CAST: variants seen among roughly 807,000 people sequenced by gnomAD.
CAST encodes the protein calpastatin.
In CAST, 76 loss-of-function variants were observed where a neutral mutation model predicts 119.6. The observed-to-expected ratio is 0.64, with a 90% CI of 0.53 to 0.77. The LOEUF (loss-of-function observed/expected upper bound fraction) is 0.77. CAST is among the 30% of genes least tolerant of loss of function. The pLI is 0.00. For missense variants in CAST, 953 were observed against 946.5 expected (o/e 1.01, Z -0.09); for synonymous variants, 319 against 331.6 (o/e 0.96, Z 0.41).
At chr5:96,412,356 G>A in the CAST span, 29 of 1,613,960 alleles carry the variant, frequency 1.8e-5, no homozygotes, top group Non-Finnish European at 1.9e-5. Context: ...TGGGCTAGCC[G>A]GCCAGGCCCC....
At chr5:96,334,866 A>C in the CAST span, among the ~76,000 whole-genome samples, 1 of 152,276 alleles carries the variant, frequency 6.6e-6, no homozygotes, top group Non-Finnish European at 1.5e-5. Flanking sequence ...GCAATATCAA[A>C]AATGATATCT....
At chr5:96,532,895 C>T (rs1361535469) in intron 1 of CAST, among the ~76,000 whole-genome samples, 1 of 151,786 alleles carries the variant, frequency 6.6e-6, no homozygotes, top group Non-Finnish European at 1.5e-5. Context: ...GATGGTGGTG[C>T]ACACCTGTAG....
chr5:96,768,729 T>C (rs972282261), intron 29 of CAST, among the ~76,000 whole-genome samples: 1 of 152,210 alleles, frequency 6.6e-6, no homozygotes, highest in Non-Finnish European at 1.5e-5. Flanking sequence ...TGGAGCTTCC[T>C]CCCCTTTTCT....
chr5:96,309,076 T>C, the CAST span, among the ~76,000 whole-genome samples: 1 of 152,336 alleles, frequency 6.6e-6, no homozygotes, highest in East Asian at 1.9e-4. Flanking sequence ...TTCCCCCAGA[T>C]GCTTTGTCCC....
chr5:95,978,433 G>A, the CAST span, among the ~76,000 whole-genome samples: 14 of 152,010 alleles, frequency 9.2e-5, no homozygotes, highest in South Asian at 2.1e-4. Context: ...GCTTGTTGCC[G>A]ACATGTATGT....
the CAST span, among the ~76,000 whole-genome samples, chr5:96,364,759 C>G: frequency 2.0e-5 from 3 of 152,038 alleles, no homozygotes; most frequent in African/African-American, 7.2e-5. Context: ...TTTTGTTGAT[C>G]TTTTCAAAAA....
the CAST span, among the ~76,000 whole-genome samples, chr5:96,475,199 C>T: frequency 6.6e-6 from 1 of 152,132 alleles, no homozygotes; most frequent in Non-Finnish European, 1.5e-5. Flanking sequence ...TCATCCCAGT[C>T]TGGGGAAAAA....
the CAST span, among the ~76,000 whole-genome samples, chr5:96,316,909 G>A: frequency 1.6e-4 from 24 of 152,202 alleles, no homozygotes; most frequent in Admixed American, 3.9e-4. Flanking sequence ...TTTGTTTTCC[G>A]AATATTACAC....
the CAST span, among the ~76,000 whole-genome samples, chr5:96,364,636 G>T: frequency 1.3e-5 from 2 of 152,176 alleles, no homozygotes; most frequent in African/African-American, 4.8e-5. Context: ...ATTCTCTGAT[G>T]GTAGTTTGTA....
chr5:96,397,951 TTTAA>T, the CAST span, among the ~76,000 whole-genome samples: 4 of 151,950 alleles, frequency 2.6e-5, no homozygotes, highest in Non-Finnish European at 5.9e-5. Context: ...ATCATAATTA[TTTAA>T]TTAATGTATT....
intron 1 of CAST, among the ~76,000 whole-genome samples, chr5:96,634,988 CTGTGATACAGACTTACAGT>C (rs1747868383): frequency 1.3e-5 from 2 of 152,200 alleles, no homozygotes; most frequent in Non-Finnish European, 2.9e-5. Flanking sequence ...CAGCAATAGA[CTGTGATACAGACTTACAGT>C]ATCAGAGAAA....
the CAST span, among the ~76,000 whole-genome samples, chr5:96,017,038 G>A: frequency 5.9e-5 from 9 of 151,832 alleles, no homozygotes; most frequent in Non-Finnish European, 8.8e-5. Flanking sequence ...GAGTTTCACC[G>A]TGTTAGCCAG....
chr5:96,764,989 G>A (rs1221572431), intron 25 of CAST, among the ~76,000 whole-genome samples: 2 of 151,960 alleles, frequency 1.3e-5, no homozygotes, highest in South Asian at 2.1e-4. Context: ...GGGTTGGGTG[G>A]AAGGTGCTGG....
intron 1 of CAST, among the ~76,000 whole-genome samples, chr5:96,601,952 C>G (rs1422630659): frequency 6.6e-6 from 1 of 152,212 alleles, no homozygotes; most frequent in African/African-American, 2.4e-5. Flanking sequence ...ATCCACTCAA[C>G]TAAGGTCTTC....
the CAST span, among the ~76,000 whole-genome samples, chr5:96,068,269 A>C: frequency 1.3e-5 from 2 of 152,096 alleles, no homozygotes; most frequent in Non-Finnish European, 2.9e-5. Context: ...ATCTAGCCAA[A>C]AGAACCTCTG....
intron 1 of CAST, among the ~76,000 whole-genome samples, chr5:96,579,260 C>T (rs550972059): frequency 6.6e-6 from 1 of 152,282 alleles, no homozygotes; most frequent in African/African-American, 2.4e-5. Flanking sequence ...CAGTGCTGCC[C>T]TGGTGTCCCT....
chr5:96,101,557 G>A, the CAST span, among the ~76,000 whole-genome samples: 7 of 152,178 alleles, frequency 4.6e-5, no homozygotes. Context: ...CCAGCTGCCT[G>A]TCTTCCCGAT....
intron 1 of CAST, among the ~76,000 whole-genome samples, chr5:96,625,288 G>GTCTC (rs147687748): frequency 2.7e-5 from 4 of 150,470 alleles, no homozygotes; most frequent in East Asian, 1.9e-4. Context: ...CCCTCTCTCT[G>GTCTC]TCTCTCTCTC....
At chr5:96,218,804 T>A in the CAST span, among the ~76,000 whole-genome samples, 1 of 152,170 alleles carries the variant, frequency 6.6e-6, no homozygotes, top group African/African-American at 2.4e-5. Flanking sequence ...AGTGTGACAC[T>A]AGAGAGAGGC....
Sources: gnomAD v4.1 joint callset for allele counts (sites outside exome capture counted in the v4.1 genomes callset) on GRCh38, gnomAD v4.1.1 for gene constraint, MANE v1.5 for transcripts, NCBI Gene and HGNC (gene_info 2026-07-23, HGNC 2026-07-21) for gene names.